Variants in NRG4 observed in about 807,000 individuals in gnomAD.
NRG4 encodes the protein pro-neuregulin-4, membrane-bound isoform.
A neutral mutation model predicts 15.0 loss-of-function variants in NRG4; 10 were observed. The ratio of observed to expected loss-of-function variants is 0.67; its 90% CI spans 0.41 to 1.13. The LOEUF (loss-of-function observed/expected upper bound fraction) is 1.13, where lower values mean the gene tolerates loss of function less well. Among genes scored for constraint, NRG4 ranks in the 50% most tolerant of loss-of-function variants. NRG4 has a pLI of 0.00. For synonymous variants in NRG4, 41 were observed against 50.1 expected, an observed-to-expected ratio of 0.82 and a Z score of 0.77; for missense variants, 139 against 140.2, an observed-to-expected ratio of 0.99 and a Z score of 0.04.
chr15:75,958,047 C>G (rs2032324324), intron 4 of NRG4, among the ~76,000 whole-genome samples: 1 of 152,112 alleles, frequency 6.6e-6, no homozygotes, highest in Non-Finnish European at 1.5e-5. Context: ...GAGTCTCGCT[C>G]TGTTGCCCAG....
chr15:75,994,555 C>T (rs986636658), intron 3 of NRG4, among the ~76,000 whole-genome samples: 2 of 152,168 alleles, frequency 1.3e-5, no homozygotes, highest in Non-Finnish European at 2.9e-5. Context: ...TATACTTGTG[C>T]AGAGTTTATT....
At chr15:75,993,845 AATT>A (rs528341120) in intron 3 of NRG4, among the ~76,000 whole-genome samples, 4 of 152,100 alleles carry the variant, frequency 2.6e-5, no homozygotes, top group Non-Finnish European at 5.9e-5. Context: ...ATTTCTATTT[AATT>A]ATTTTTCCAT....
chr15:76,041,798 T>G (rs894018644), intron 4 of NRG4, among the ~76,000 whole-genome samples: 16 of 152,188 alleles, frequency 1.1e-4, no homozygotes, highest in Admixed American at 1.0e-3. Flanking sequence ...CAAAGAAACA[T>G]CAGACTTAAT....
chr15:75,966,960 C>T (rs2032822834), intron 3 of NRG4, among the ~76,000 whole-genome samples: 2 of 151,842 alleles, frequency 1.3e-5, no homozygotes, highest in South Asian at 2.1e-4. Flanking sequence ...ACTGAAAATA[C>T]AAAAATTAGC....
intron 3 of NRG4, among the ~76,000 whole-genome samples, chr15:75,990,056 A>G (rs193281792): frequency 2.1e-4 from 32 of 152,264 alleles, no homozygotes; most frequent in African/African-American, 7.7e-4. Context: ...CACCAAGGAC[A>G]CTTCACTCTA....
chr15:76,009,090 C>A, intron 3 of NRG4, 110 bp downstream of exon 3: 1 of 708,400 alleles, frequency 1.4e-6, no homozygotes, highest in Non-Finnish European at 2.6e-6. Context: ...TATGAATATG[C>A]CTCACATCTT....
intron 3 of NRG4, among the ~76,000 whole-genome samples, chr15:75,984,841 T>C (rs1287667757): frequency 1.3e-5 from 2 of 152,024 alleles, no homozygotes; most frequent in East Asian, 1.9e-4. Flanking sequence ...AGTTTTTGTT[T>C]TGTTTTGTTT....
At chr15:76,054,280 G>A (rs1383196507) in intron 2 of NRG4, among the ~76,000 whole-genome samples, 1 of 149,998 alleles carries the variant, frequency 6.7e-6, no homozygotes, top group Non-Finnish European at 1.5e-5. Flanking sequence ...TGGTGGAGAA[G>A]GGGTTTCACC....
Position 75,943,659 on chromosome 15 carries a change from GA to G in NRG4, c.332-6del. 1.3e-6 allele frequency: 2 copies of G among 1,555,950 alleles called. No individual in the cohort carries two copies. The highest frequency in any genetic ancestry group is 2.3e-5 in the South Asian group (2 of 88,886). On this transcript the variant is annotated splice_polypyrimidine_tract_variant and splice_region_variant and intron_variant, in intron 5 of 5. Coordinates refer to ENST00000394907, the MANE Select transcript of NRG4 (RefSeq NM_138573.4). ...TTCTTCAGTGTTGTTCATGACCTGT[GA>G]AAAATAAGTAAGAATTAAGATGCTT...
chr15:75,988,352 A>G (rs1163411034), intron 3 of NRG4, among the ~76,000 whole-genome samples: 3 of 152,038 alleles, frequency 2.0e-5, no homozygotes, highest in Non-Finnish European at 4.4e-5. Context: ...TGCCCTGATA[A>G]CTTTTATATT....
At chr15:75,999,565 C>T (rs1226470648) in intron 3 of NRG4, among the ~76,000 whole-genome samples, 1 of 152,200 alleles carries the variant, frequency 6.6e-6, no homozygotes, top group Non-Finnish European at 1.5e-5. Flanking sequence ...GCCCTCACCA[C>T]ACACCAAAAG....
At chr15:75,990,671 GTTTTTTTTTTTTGT>G (rs1254913752) in intron 3 of NRG4, among the ~76,000 whole-genome samples, 3 of 130,620 alleles carry the variant, frequency 2.3e-5, no homozygotes, top group African/African-American at 8.8e-5. Context: ...GTTGGTAATT[GTTTTTTTTTTTTGT>G]TTTTTTTTTT....
At chr15:75,958,247 T>C (rs1016610621) in intron 4 of NRG4, among the ~76,000 whole-genome samples, 1 of 152,032 alleles carries the variant, frequency 6.6e-6, no homozygotes, top group Non-Finnish European at 1.5e-5. Flanking sequence ...CTCCTGACCT[T>C]GTGATCCGCC....
chr15:76,029,316 C>T (rs1642931751), intron 5 of NRG4, among the ~76,000 whole-genome samples: 1 of 152,010 alleles, frequency 6.6e-6, no homozygotes. Flanking sequence ...AAAATAAAGG[C>T]CATATATAAT....
At chr15:76,039,957 C>A (rs2035690748) in intron 4 of NRG4, among the ~76,000 whole-genome samples, 1 of 151,960 alleles carries the variant, frequency 6.6e-6, no homozygotes, top group Admixed American at 6.6e-5. Context: ...TCATTTGAAC[C>A]CGGAGGCAGA....
intron 3 of NRG4, among the ~76,000 whole-genome samples, chr15:75,974,196 G>A (rs1413947328): frequency 1.3e-5 from 2 of 152,182 alleles, no homozygotes; most frequent in Non-Finnish European, 2.9e-5. Context: ...TTGTATTTCT[G>A]TGGGATCAGT....
chr15:76,051,378 C>T (rs1032164963), intron 4 of NRG4, among the ~76,000 whole-genome samples: 2 of 150,494 alleles, frequency 1.3e-5, no homozygotes, highest in East Asian at 3.9e-4. Flanking sequence ...TATGCTCAAG[C>T]GATCCTCTCG....
intron 2 of NRG4, among the ~76,000 whole-genome samples, chr15:76,056,674 T>G (rs1395802435): frequency 6.6e-6 from 1 of 152,188 alleles, no homozygotes; most frequent in African/African-American, 2.4e-5. Flanking sequence ...AATATTAACA[T>G]TTATATCACA....
chr15:76,015,683 C>T (rs1446233857), upstream of NRG4, among the ~76,000 whole-genome samples: 2 of 152,146 alleles, frequency 1.3e-5, no homozygotes, highest in African/African-American at 4.8e-5. Context: ...TCCTTGCATT[C>T]CAGGGATGAA....
Sources: allele counts gnomAD v4.1 joint callset (sites outside exome capture counted in the v4.1 genomes callset), GRCh38; gene constraint gnomAD v4.1.1; transcripts MANE v1.5; gene names NCBI Gene and HGNC (gene_info 2026-07-23, HGNC 2026-07-21).